SLC60A1: variants seen among roughly 807,000 people sequenced by gnomAD.
SLC60A1 encodes major facilitator superfamily domain containing 4.
the SLC60A1 span, chr1:205,601,826 G>C: frequency 1.3e-5 from 2 of 152,210 alleles, no homozygotes; most frequent in Non-Finnish European, 2.9e-5. Context: ...CTCATGATCT[G>C]CCCGTCTCGG....
chr1:205,579,937 C>T, the SLC60A1 span: 28 of 1,613,098 alleles, frequency 1.7e-5, no homozygotes, highest in Middle Eastern at 1.6e-4. Flanking sequence ...AGGACTCGGC[C>T]GTCTTCCTCC....
chr1:205,584,686 T>A, the SLC60A1 span, among the ~76,000 whole-genome samples: 19 of 152,158 alleles, frequency 1.2e-4, no homozygotes, highest in East Asian at 3.7e-3. Context: ...ACCTGACCTC[T>A]CTGAGCCTTG....
the SLC60A1 span, chr1:205,592,054 C>T: frequency 1.5e-5 from 24 of 1,558,826 alleles, no homozygotes; most frequent in Non-Finnish European, 2.0e-5. Flanking sequence ...AAACGCCAAG[C>T]CAGGAGACGC....
At chr1:205,569,494 C>G in the SLC60A1 span, among the ~76,000 whole-genome samples, 1 of 148,328 alleles carries the variant, frequency 6.7e-6, no homozygotes, top group South Asian at 2.2e-4. Context: ...CTCCCTCCCT[C>G]CCCCGCAGCT....
the SLC60A1 span, chr1:205,598,874 C>G: frequency 2.0e-6 from 1 of 509,976 alleles, no homozygotes; most frequent in Non-Finnish European, 3.5e-6. Context: ...TCAGAAGGTT[C>G]CAGAACACAG....
the SLC60A1 span, chr1:205,585,025 G>A: frequency 1.9e-6 from 3 of 1,574,318 alleles, no homozygotes; most frequent in African/African-American, 2.7e-5. The surrounding 1 kb of genome is among the most constrained non-coding windows in gnomAD (Gnocchi z 4.2). Context: ...CCCTACTGGG[G>A]GACCCTTCAC....
the SLC60A1 span, chr1:205,584,149 C>T: frequency 6.2e-7 from 1 of 1,606,568 alleles, no homozygotes; most frequent in South Asian, 1.1e-5. Context: ...AATCTGCATC[C>T]TCACAGCCTC....
At chr1:205,582,353 T>TA in the SLC60A1 span, among the ~76,000 whole-genome samples, 1 of 152,240 alleles carries the variant, frequency 6.6e-6, no homozygotes. Context: ...TGTCTGAAAA[T>TA]AAACAGTCCA....
the SLC60A1 span, chr1:205,580,920 A>T: frequency 6.2e-7 from 1 of 1,612,962 alleles, no homozygotes; most frequent in Non-Finnish European, 8.5e-7. This position sits in a 1 kb window ranked among gnomAD's most constrained non-coding sequence, Gnocchi z 5.0. Flanking sequence ...GCCCTCATCA[A>T]TGTGAGTGTC....
the SLC60A1 span, among the ~76,000 whole-genome samples, chr1:205,587,920 A>G: frequency 6.6e-6 from 1 of 152,182 alleles, no homozygotes; most frequent in South Asian, 2.1e-4. Flanking sequence ...TTGGGAAAAT[A>G]AAGGTCTGAA....
the SLC60A1 span, among the ~76,000 whole-genome samples, chr1:205,584,489 G>T: frequency 6.7e-6 from 1 of 149,800 alleles, no homozygotes; most frequent in Non-Finnish European, 1.5e-5. Flanking sequence ...CTCCCAAAGT[G>T]CTGGGATTAT....
At chr1:205,597,716 T>C in the SLC60A1 span, 6 of 1,569,164 alleles carry the variant, frequency 3.8e-6, no homozygotes, top group South Asian at 4.4e-5. Flanking sequence ...GCAACCTGGA[T>C]TGTAATGCTG....
chr1:205,588,216 A>T, the SLC60A1 span, among the ~76,000 whole-genome samples: 1 of 152,132 alleles, frequency 6.6e-6, no homozygotes, highest in Non-Finnish European at 1.5e-5. Flanking sequence ...TCACACCTGT[A>T]ATCCCAGAAC....
chr1:205,584,805 C>T, the SLC60A1 span: 8 of 1,414,558 alleles, frequency 5.7e-6, no homozygotes, highest in African/African-American at 1.4e-5. Context: ...CTGCCAGCCA[C>T]GGCCCTGGGA....
the SLC60A1 span, among the ~76,000 whole-genome samples, chr1:205,583,473 GCAGTCTCT>G: frequency 6.6e-5 from 10 of 152,292 alleles, no homozygotes; most frequent in African/African-American, 1.9e-4. Context: ...TGTGACCAGG[GCAGTCTCT>G]CAGTCTCTAG....
the SLC60A1 span, among the ~76,000 whole-genome samples, chr1:205,578,851 T>TG: frequency 6.6e-6 from 1 of 152,232 alleles, no homozygotes; most frequent in East Asian, 1.9e-4. Context: ...AGAACCTGCC[T>TG]GCTGCCCAAT....
the SLC60A1 span, among the ~76,000 whole-genome samples, chr1:205,596,280 G>A: frequency 3.3e-5 from 5 of 152,208 alleles, no homozygotes; most frequent in Non-Finnish European, 7.4e-5. Context: ...TCAACAGACA[G>A]TGTGGTGAGA....
chr1:205,597,131 A>T, the SLC60A1 span, among the ~76,000 whole-genome samples: 1 of 152,188 alleles, frequency 6.6e-6, no homozygotes, highest in Non-Finnish European at 1.5e-5. Context: ...GATATCAGGA[A>T]ATCTTTCTGG....
the SLC60A1 span, chr1:205,585,097 T>G: frequency 1.1e-6 from 1 of 923,642 alleles, no homozygotes; most frequent in Non-Finnish European, 1.7e-6. The surrounding 1 kb of genome is among the most constrained non-coding windows in gnomAD (Gnocchi z 4.2). Flanking sequence ...TCCTGGAGAC[T>G]TCTCCTGGAG....
Sources: allele counts gnomAD v4.1 joint callset (sites outside exome capture counted in the v4.1 genomes callset), GRCh38; gene constraint gnomAD v4.1.1; non-coding constraint Gnocchi (gnomAD v3.1); transcripts MANE v1.5; gene names NCBI Gene and HGNC (gene_info 2026-07-23, HGNC 2026-07-21).